The following SLC5A10 variants were observed in gnomAD, a reference collection of about 807,000 sequenced individuals.
SLC5A10 encodes solute carrier family 5 member 10, also known as sodium/mannose cotransporter SLC5A10.
A neutral mutation model predicts 68.9 loss-of-function variants in SLC5A10; 55 were observed. That is an observed-to-expected ratio of 0.80 (90% CI 0.64 to 1.00). The LOEUF (loss-of-function observed/expected upper bound fraction) is 1.00, where lower values mean the gene tolerates loss of function less well. Among genes scored for constraint, SLC5A10 ranks in the 50% least tolerant of loss-of-function variants. The probability of loss-of-function intolerance (pLI) is 0.00; values close to 1 mark genes in which losing one functional copy is unlikely to be tolerated. For missense variants in SLC5A10, 732 were observed against 819.3 expected, an observed-to-expected ratio of 0.89 and a Z score of 1.30; for synonymous variants, 344 against 344.8, an observed-to-expected ratio of 1.00 and a Z score of 0.02.
chr17:18,966,924 G>C (rs1567781718), intron 5 of SLC5A10, among the ~76,000 whole-genome samples: 1 of 152,096 alleles, frequency 6.6e-6, no homozygotes, highest in Non-Finnish European at 1.5e-5. Context: ...GGCTTTGTGT[G>C]CTCCACACCC....
At position 19,021,767 on chromosome 17, in the gene SLC5A10, TG is replaced by T. The variant is rs2044267934; in HGVS notation, c.*1339del. On this transcript the variant is annotated 3_prime_UTR_variant, in exon 15 of 15. Transcript: ENST00000395645. The surrounding 1 kb of genome is among the most constrained non-coding windows in gnomAD (Gnocchi z 4.1). ...CAGGAAGCCCCGGAGCTACCCTTGCTGGGTACCCTTGCTGGGGGACCTGGGC... is the reference window on the plus strand; with the variant it reads ...CAGGAAGCCCCGGAGCTACCCTTGCTGGTACCCTTGCTGGGGGACCTGGGC... 4.3e-6 allele frequency: 2 copies of T among 461,560 alleles called. No homozygotes were observed. Among genetic ancestry groups the T allele is most frequent in the Non-Finnish European group, 7.2e-6 (2 of 278,722 alleles). 28.6% of individuals were successfully genotyped at this position (461,560 alleles called of 1,614,324 possible).
At position 19,021,952 on chromosome 17, in the gene SLC5A10, G is replaced by A. The variant is rs1282007611; in HGVS notation, c.*1521G>A. The A allele has an allele frequency of 2.0e-6, 3 of 1,515,450 alleles. No homozygotes were observed. The highest frequency in any genetic ancestry group is 2.4e-4 in the Middle Eastern group (1 of 4,188). The allele number at this position is 1,515,450 out of a possible 1,614,324, so 93.9% of individuals were successfully genotyped here. A position where few individuals can be genotyped will look rare whatever the true frequency, so the allele number is the denominator to read the frequency against. The stretch of plus-strand genomic sequence containing the variant: ...AGGCCCGTTGGCCAGATCGGCCGCC[G>A]GGCTGCTCACAGGTGCACGGGCTGC... On this transcript the variant is annotated 3_prime_UTR_variant, in exon 15 of 15. Transcript: ENST00000395645. The surrounding 1 kb of genome is among the most constrained non-coding windows in gnomAD (Gnocchi z 4.1).
intron 9 of SLC5A10, chr17:18,977,213 G>A (rs554479630): frequency 1.6e-6 from 1 of 636,054 alleles, no homozygotes; most frequent in South Asian, 2.0e-5. Context: ...GTGACCTCAA[G>A]GCTGTAAATG....
intron 3 of SLC5A10, 99 bp from the exon 4 acceptor site, chr17:18,959,505 C>G: frequency 7.4e-7 from 1 of 1,349,392 alleles, no homozygotes; most frequent in Non-Finnish European, 1.0e-6. Flanking sequence ...TGGGGGAAGC[C>G]AGGCCTCCGG....
chr17:19,015,365 T>G (rs1349884119), intron 11 of SLC5A10, among the ~76,000 whole-genome samples, 166 bp downstream of exon 11: 3 of 152,036 alleles, frequency 2.0e-5, no homozygotes, highest in Non-Finnish European at 4.4e-5. Flanking sequence ...CTCACATTGC[T>G]CTCCTGTCCA....
At chr17:18,990,014 C>G (rs532399260) in intron 9 of SLC5A10, among the ~76,000 whole-genome samples, 1 of 152,326 alleles carries the variant, frequency 6.6e-6, no homozygotes, top group Admixed American at 6.5e-5. Flanking sequence ...GCCTAGGGTT[C>G]TCTCTGTTCT....
At position 18,959,595 on chromosome 17, in the gene SLC5A10, TC is replaced by T. The variant is rs762835405; in HGVS notation, c.289-5del. 5 of 1,613,528 alleles carry T rather than the reference TC, an allele frequency of 3.1e-6. No individual in the cohort carries two copies. The African/African-American group carries it at 4.0e-5, about 13-fold the overall frequency. On this transcript the variant is annotated splice_polypyrimidine_tract_variant and splice_region_variant and intron_variant, in intron 3 of 14. Coordinates refer to ENST00000395645, the MANE Select transcript of SLC5A10 (RefSeq NM_001042450.4). ...CACCTGCAGTCCTCACCTGTCTCTG[TC>T]CCCATAGGCCACGTACGTGCTGCTG...
intron 9 of SLC5A10, among the ~76,000 whole-genome samples, chr17:18,981,421 A>T (rs1428063045): frequency 6.6e-6 from 1 of 152,176 alleles, no homozygotes; most frequent in African/African-American, 2.4e-5. Context: ...TGGGGCCAGT[A>T]GGGAGCCATG....
chr17:18,981,468 T>C (rs2152013621), intron 9 of SLC5A10, among the ~76,000 whole-genome samples: 1 of 152,202 alleles, frequency 6.6e-6, no homozygotes, highest in Admixed American at 6.5e-5. Flanking sequence ...GTTGGGTGTG[T>C]ATCTCAGGAG....
chr17:18,952,416 C>T, intron 1 of SLC5A10, 100 bp downstream of exon 1: 3 of 1,412,230 alleles, frequency 2.1e-6, no homozygotes, highest in Non-Finnish European at 2.9e-6. Context: ...CAGCATTGGT[C>T]CCAGCTGGTG....
Position 19,022,319 on chromosome 17 carries a change from C to T in SLC5A10, c.*1888C>T. 2.1e-6 allele frequency: 1 copy of T among 471,296 alleles called. No individual in the cohort carries two copies. Among genetic ancestry groups the T allele is most frequent in the Non-Finnish European group, 3.8e-6 (1 of 260,868 alleles). 29.2% of individuals were successfully genotyped at this position (471,296 alleles called of 1,614,324 possible). ...TGCCACCACTGGGCCTCCTGCTGCC[C>T]ACACCCCTGCCTGTCTGCTGTGCAG... On this transcript the variant is annotated 3_prime_UTR_variant, in exon 15 of 15. Coordinates refer to ENST00000395645, the MANE Select transcript of SLC5A10 (RefSeq NM_001042450.4).
intron 9 of SLC5A10, among the ~76,000 whole-genome samples, chr17:19,010,680 C>T (rs1348143366): frequency 6.6e-6 from 1 of 152,176 alleles, no homozygotes; most frequent in African/African-American, 2.4e-5. Flanking sequence ...AACGCCTCAC[C>T]TGTCCCTCCC....
intron 10 of SLC5A10, among the ~76,000 whole-genome samples, chr17:19,014,569 G>A (rs759842705): frequency 3.3e-5 from 5 of 152,184 alleles, no homozygotes; most frequent in Non-Finnish European, 7.3e-5. Context: ...CCCCGCCCAA[G>A]CCTTCCTCAC....
At chr17:18,973,473 C>T (rs2152004149) in intron 8 of SLC5A10, among the ~76,000 whole-genome samples, 1 of 152,338 alleles carries the variant, frequency 6.6e-6, no homozygotes, top group Non-Finnish European at 1.5e-5. Flanking sequence ...CCATCCTCTA[C>T]CCCTTGGGCT....
chr17:18,961,867 G>A (rs537006026), intron 5 of SLC5A10, among the ~76,000 whole-genome samples: 147 of 152,264 alleles, frequency 9.7e-4, no homozygotes, highest in African/African-American at 3.5e-3. Context: ...ACTCTGAGGG[G>A]ATTCCCAGAG....
chr17:18,975,402 G>A (rs1197788262), intron 8 of SLC5A10, among the ~76,000 whole-genome samples: 3 of 152,116 alleles, frequency 2.0e-5, no homozygotes, highest in Non-Finnish European at 2.9e-5. Flanking sequence ...TTAAAATCAC[G>A]GAGGCAGCCG....
chr17:18,998,651 G>C (rs544081538), intron 9 of SLC5A10, among the ~76,000 whole-genome samples: 1 of 152,340 alleles, frequency 6.6e-6, no homozygotes, highest in East Asian at 1.9e-4. Context: ...TCCTCGAAGG[G>C]CTGCTCCCGG....
chr17:19,017,143 C>A lies in SLC5A10; in HGVS notation c.1241+1944C>A. The A allele has an allele frequency of 2.8e-6, 2 of 703,570 alleles. No homozygotes were observed. The highest frequency in any genetic ancestry group is 4.8e-6 in the Non-Finnish European group (2 of 420,444). 43.6% of individuals were successfully genotyped at this position (703,570 alleles called of 1,614,324 possible). ...CCTGGCAGTCGGCCTCCCTGAGGAG[C>A]AAGGCACAAGGCTGCGTGGTGCAGG... On this transcript the variant is annotated intron_variant, in intron 11 of 14. Transcript: ENST00000395645. The surrounding 1 kb of genome is among the most constrained non-coding windows in gnomAD (Gnocchi z 5.6).
intron 8 of SLC5A10, among the ~76,000 whole-genome samples, chr17:18,975,479 C>T (rs892774590): frequency 2.6e-5 from 4 of 151,744 alleles, no homozygotes; most frequent in Admixed American, 6.6e-5. Flanking sequence ...CACCTGAAGT[C>T]GGGAGTTCAA....
Sources: gnomAD v4.1 joint callset for allele counts (sites outside exome capture counted in the v4.1 genomes callset) on GRCh38, gnomAD v4.1.1 for gene constraint, Gnocchi (gnomAD v3.1) non-coding constraint, MANE v1.5 for transcripts, NCBI Gene and HGNC (gene_info 2026-07-23, HGNC 2026-07-21) for gene names.